STPG2: variants seen among roughly 807,000 people sequenced by gnomAD.
STPG2 encodes sperm-tail PG-rich repeat-containing protein 2.
A neutral mutation model predicts 54.2 loss-of-function variants in STPG2; 56 were observed. The ratio of observed to expected loss-of-function variants is 1.03; its 90% CI spans 0.83 to 1.29. The LOEUF is 1.29. STPG2 is among the 50% of genes most tolerant of loss of function. The pLI is 0.00. For synonymous variants in STPG2, 200 were observed against 181.8 expected, an observed-to-expected ratio of 1.10 and a Z score of -0.81; for missense variants, 596 against 544.9, an observed-to-expected ratio of 1.09 and a Z score of -0.93.
intron 5 of STPG2, among the ~76,000 whole-genome samples, chr4:98,055,591 G>A (rs1268552359): frequency 1.3e-5 from 2 of 152,202 alleles, no homozygotes; most frequent in African/African-American, 2.4e-5. Context: ...CACTTGAGGT[G>A]GCAGAGAGAG....
chr4:97,495,258 C>T (rs929223344), intron 4 of STPG2, among the ~76,000 whole-genome samples: 1 of 151,194 alleles, frequency 6.6e-6, no homozygotes, highest in African/African-American at 2.4e-5. Context: ...TAGTTTATCC[C>T]TATTTTCTTT....
chr4:97,747,292 A>T (rs1161318254), intron 9 of STPG2, among the ~76,000 whole-genome samples: 1 of 151,368 alleles, frequency 6.6e-6, no homozygotes, highest in East Asian at 1.9e-4. Flanking sequence ...CATTTATTGA[A>T]TGAGTAACTC....
intron 8 of STPG2, among the ~76,000 whole-genome samples, chr4:97,929,717 T>C (rs915062791): frequency 1.3e-5 from 2 of 152,148 alleles, no homozygotes; most frequent in African/African-American, 2.4e-5. Flanking sequence ...CACTTTTTAA[T>C]GGGGTTTTGT....
chr4:97,923,599 T>A (rs1246183085), intron 8 of STPG2, among the ~76,000 whole-genome samples: 1 of 152,214 alleles, frequency 6.6e-6, no homozygotes, highest in Non-Finnish European at 1.5e-5. Flanking sequence ...GCACTCTGTG[T>A]CTAGCTCAAG....
intron 8 of STPG2, among the ~76,000 whole-genome samples, chr4:97,943,317 T>C (rs971616818): frequency 6.6e-6 from 1 of 152,092 alleles, no homozygotes. Context: ...TATCACTGGG[T>C]CCAACTTTTT....
At chr4:97,738,207 G>A (rs1213114093) in intron 9 of STPG2, among the ~76,000 whole-genome samples, 1 of 152,150 alleles carries the variant, frequency 6.6e-6, no homozygotes, top group Non-Finnish European at 1.5e-5. Context: ...AGCTCCTGAA[G>A]GAAGCACTAA....
At chr4:97,760,977 G>A (rs560391260) in intron 9 of STPG2, among the ~76,000 whole-genome samples, 1 of 152,108 alleles carries the variant, frequency 6.6e-6, no homozygotes, top group African/African-American at 2.4e-5. Context: ...GTGGCAGGTT[G>A]AGTCTTTCTC....
chr4:97,551,310 G>C (rs983951913), intron 4 of STPG2, among the ~76,000 whole-genome samples: 3 of 151,986 alleles, frequency 2.0e-5, no homozygotes, highest in African/African-American at 7.2e-5. Flanking sequence ...ATTTCTAAAA[G>C]AGAAGTCAGT....
chr4:97,495,321 A>G (rs1730583015), intron 4 of STPG2, among the ~76,000 whole-genome samples: 1 of 151,482 alleles, frequency 6.6e-6, no homozygotes, highest in Non-Finnish European at 1.5e-5. Flanking sequence ...AAGCTAAAGT[A>G]TAGCATAAAA....
At chr4:97,953,332 T>TTAGAC (rs1233671613) in intron 7 of STPG2, among the ~76,000 whole-genome samples, 1 of 152,174 alleles carries the variant, frequency 6.6e-6, no homozygotes, top group Non-Finnish European at 1.5e-5. Context: ...TCACACCTGC[T>TTAGAC]AGCAACAGCT....
At chr4:97,729,615 T>C (rs1724735629) in intron 9 of STPG2, among the ~76,000 whole-genome samples, 1 of 152,116 alleles carries the variant, frequency 6.6e-6, no homozygotes, top group Non-Finnish European at 1.5e-5. Context: ...AATTTGAAAC[T>C]GTACAAGGTG....
chr4:97,705,615 T>A (rs1723916980), intron 10 of STPG2, among the ~76,000 whole-genome samples: 1 of 152,050 alleles, frequency 6.6e-6, no homozygotes, highest in Admixed American at 6.6e-5. Context: ...TGTGAGCCAC[T>A]GTGCCAAGCC....
intron 8 of STPG2, among the ~76,000 whole-genome samples, chr4:97,902,411 G>A (rs1214671087): frequency 6.6e-6 from 1 of 152,036 alleles, no homozygotes; most frequent in Non-Finnish European, 1.5e-5. Context: ...TACCTGATAA[G>A]GGTTAATCTT....
chr4:97,703,693 GTATA>G (rs1015321255), intron 10 of STPG2, among the ~76,000 whole-genome samples: 2 of 137,296 alleles, frequency 1.5e-5, no homozygotes, highest in Non-Finnish European at 3.1e-5. Context: ...TATATATTTA[GTATA>G]TATAGTATAT....
intron 10 of STPG2, among the ~76,000 whole-genome samples, chr4:97,603,835 G>A (rs1733525806): frequency 6.6e-6 from 1 of 151,622 alleles, no homozygotes; most frequent in Admixed American, 6.6e-5. Flanking sequence ...GCTGGCTGAA[G>A]GGAGAGATGG....
chr4:97,561,606 T>C lies in STPG2; in HGVS notation c.1321-2489A>G, dbSNP rs189305382. Among the ~76,000 whole-genome samples, 630 of 152,346 alleles carry C rather than the reference T, an allele frequency of 4.1e-3. 3 individuals are homozygous for C. Among genetic ancestry groups the C allele is most frequent in the South Asian group, 0.02 (98 of 4,828 alleles). ...GTCTAACATTTAAGTCTTTAATCCA[T>C]CTTGAATTAATTTTTGTATAAGGGG... On this transcript the variant is annotated intron_variant, in intron 10 of 10. Coordinates refer to ENST00000295268, the MANE Select transcript of STPG2 (RefSeq NM_174952.3).
intron 9 of STPG2, among the ~76,000 whole-genome samples, chr4:97,745,574 G>A (rs1051192358): frequency 4.6e-5 from 7 of 150,938 alleles, no homozygotes; most frequent in African/African-American, 7.3e-5. Context: ...CCATGAAAGA[G>A]CTTTAGTAAA....
At chr4:97,803,609 C>T (rs1727463614) in intron 9 of STPG2, among the ~76,000 whole-genome samples, 1 of 152,120 alleles carries the variant, frequency 6.6e-6, no homozygotes. Flanking sequence ...AGCGTAATCT[C>T]AGCTCACTGC....
At chr4:97,883,749 C>A (rs112899769) in intron 8 of STPG2, among the ~76,000 whole-genome samples, 2,781 of 152,214 alleles carry the variant, frequency 0.018, 75 homozygotes, top group African/African-American at 0.063. Flanking sequence ...AATCCAAGAG[C>A]TGGACAATAG....
Sources: allele counts gnomAD v4.1 joint callset (sites outside exome capture counted in the v4.1 genomes callset), GRCh38; gene constraint gnomAD v4.1.1; transcripts MANE v1.5; gene names NCBI Gene and HGNC (gene_info 2026-07-23, HGNC 2026-07-21).